The following MARCHF10 variants were observed in gnomAD, a reference collection of about 807,000 sequenced individuals.
The protein encoded by MARCHF10 is probable E3 ubiquitin-protein ligase MARCHF10.
In MARCHF10, 64 loss-of-function variants were observed where a neutral mutation model predicts 76.2. The observed-to-expected ratio is 0.84, with a 90% CI of 0.69 to 1.03. MARCHF10 has a LOEUF of 1.03. MARCHF10 is among the 50% of genes least tolerant of loss of function. The pLI, the probability that MARCHF10 is intolerant of heterozygous loss-of-function variation, is 0.00. For missense variants in MARCHF10, 875 were observed against 958.0 expected, an observed-to-expected ratio of 0.91 and a Z score of 1.14; for synonymous variants, 340 against 357.5, an observed-to-expected ratio of 0.95 and a Z score of 0.55.
chr17:62,713,556 C>T (rs986935915), intron 8 of MARCHF10, among the ~76,000 whole-genome samples: 6 of 152,178 alleles, frequency 3.9e-5, no homozygotes, highest in African/African-American at 4.8e-5. Flanking sequence ...TGGTGATGCT[C>T]GACAAAGGGG....
At chr17:62,713,370 C>T (rs973349566) in intron 8 of MARCHF10, among the ~76,000 whole-genome samples, 37 of 152,326 alleles carry the variant, frequency 2.4e-4, no homozygotes, top group African/African-American at 8.2e-4. Context: ...CTTTTTATGA[C>T]TCAATAAGGC....
At position 62,701,316 on chromosome 17, in the gene MARCHF10, G is replaced by A. The variant is rs1317837184; in HGVS notation, c.*387C>T. The A allele has an allele frequency of 8.6e-6, 2 of 232,492 alleles. No homozygotes were observed. Among genetic ancestry groups the A allele is most frequent in the African/African-American group, 4.5e-5 (2 of 44,550 alleles). The allele number at this position is 232,492 out of a possible 1,614,324, so 14.4% of individuals were successfully genotyped here. ...AGTGAAATAAACATGAACGAAGCTG[G>A]GAGAATAATGTCAGTTTACTGAATG... On this transcript the variant is annotated 3_prime_UTR_variant, in exon 11 of 11. Transcript: ENST00000311269.
At chr17:62,792,810 A>T (rs2092882360) in intron 2 of MARCHF10, among the ~76,000 whole-genome samples, 1 of 125,316 alleles carries the variant, frequency 8.0e-6, no homozygotes, top group Non-Finnish European at 1.7e-5. Flanking sequence ...CACCTCCATC[A>T]CCACCACCAC....
intron 4 of MARCHF10, chr17:62,746,797 T>A: frequency 9.6e-7 from 1 of 1,040,520 alleles, no homozygotes; most frequent in South Asian, 1.5e-5. Context: ...TATTCAAAGT[T>A]CCCACGCACC....
intron 8 of MARCHF10, among the ~76,000 whole-genome samples, chr17:62,722,246 C>T (rs1443580141): frequency 6.9e-6 from 1 of 144,944 alleles, no homozygotes; most frequent in Non-Finnish European, 1.5e-5. Flanking sequence ...CCACTGCATT[C>T]CCGCCTGGGC....
intron 4 of MARCHF10, among the ~76,000 whole-genome samples, chr17:62,757,387 G>A (rs912818156): frequency 6.6e-6 from 1 of 152,154 alleles, no homozygotes. Flanking sequence ...TTGGATCAAC[G>A]TGTCCAGCTA....
intron 8 of MARCHF10, among the ~76,000 whole-genome samples, chr17:62,715,539 A>G (rs1599063886): frequency 1.3e-5 from 2 of 152,324 alleles, no homozygotes; most frequent in Middle Eastern, 6.8e-3. Flanking sequence ...CGAGTGCCCA[A>G]CCAGCATCCA....
chr17:62,709,439 C>T (rs1272159231), intron 9 of MARCHF10, among the ~76,000 whole-genome samples: 1 of 152,116 alleles, frequency 6.6e-6, no homozygotes, highest in Non-Finnish European at 1.5e-5. Flanking sequence ...TGAGCCACTG[C>T]ACTCCAGCCT....
At chr17:62,784,134 T>C (rs1288709060) in intron 3 of MARCHF10, among the ~76,000 whole-genome samples, 1 of 152,190 alleles carries the variant, frequency 6.6e-6, no homozygotes, top group Non-Finnish European at 1.5e-5. Context: ...AATAAAATAC[T>C]GGCAAAGCGA....
intron 10 of MARCHF10, among the ~76,000 whole-genome samples, chr17:62,702,101 G>A (rs890868639): frequency 4.6e-5 from 7 of 152,268 alleles, no homozygotes; most frequent in South Asian, 2.1e-4. Flanking sequence ...TTGAACCCCC[G>A]CTTCCTAATT....
At chr17:62,753,939 C>A (rs1481911967) in intron 4 of MARCHF10, among the ~76,000 whole-genome samples, 2 of 152,112 alleles carry the variant, frequency 1.3e-5, no homozygotes. Flanking sequence ...CACCAGTTCG[C>A]CCTGGTATCA....
chr17:62,761,389 G>A (rs2092196670), intron 3 of MARCHF10, among the ~76,000 whole-genome samples: 1 of 152,124 alleles, frequency 6.6e-6, no homozygotes, highest in African/African-American at 2.4e-5. Context: ...ACTCTGAAAT[G>A]TCAAAGATGA....
At chr17:62,773,250 A>G (rs921156104) in intron 3 of MARCHF10, among the ~76,000 whole-genome samples, 1 of 152,168 alleles carries the variant, frequency 6.6e-6, no homozygotes, top group African/African-American at 2.4e-5. Context: ...GAAGCTCAGA[A>G]GGACAGTGTG....
Position 62,783,667 on chromosome 17 carries a change from C to T in MARCHF10, c.210+4813G>A, listed in dbSNP as rs561022878. On this transcript the variant is annotated intron_variant, in intron 3 of 10. Transcript: ENST00000311269. ...GAGGAAGAGAGAAGAATCAAATAGA[C>T]GCAATAAAAAATGATAAAGGGGATA... Among the ~76,000 whole-genome samples, 62 of 151,906 alleles carry T rather than the reference C, an allele frequency of 4.1e-4. No homozygotes were observed. The South Asian group carries it at 7.7e-3, about 19-fold the overall frequency.
chr17:62,741,082 A>G (rs1336885072), intron 5 of MARCHF10, among the ~76,000 whole-genome samples: 1 of 152,224 alleles, frequency 6.6e-6, no homozygotes, highest in Non-Finnish European at 1.5e-5. Flanking sequence ...TCTCTTATCA[A>G]GAGATATTTC....
At chr17:62,768,723 A>C (rs1370365035) in intron 3 of MARCHF10, among the ~76,000 whole-genome samples, 1 of 152,184 alleles carries the variant, frequency 6.6e-6, no homozygotes, top group African/African-American at 2.4e-5. Flanking sequence ...CATTTTCAAA[A>C]TGACCACACT....
chr17:62,727,276 A>T (rs1166532798), intron 6 of MARCHF10, among the ~76,000 whole-genome samples: 38 of 152,268 alleles, frequency 2.5e-4, no homozygotes, highest in Admixed American at 2.3e-3. Flanking sequence ...TTGCAAAAAA[A>T]TTTTTTTTAA....
chr17:62,722,738 C>T, intron 7 of MARCHF10, 141 bp from the exon 8 acceptor site: 1 of 628,112 alleles, frequency 1.6e-6, no homozygotes, highest in Non-Finnish European at 2.6e-6. Context: ...AGCCAGCCAT[C>T]TTCTGTAGAA....
intron 3 of MARCHF10, among the ~76,000 whole-genome samples, chr17:62,786,207 A>C (rs2092743524): frequency 6.6e-6 from 1 of 152,186 alleles, no homozygotes; most frequent in African/African-American, 2.4e-5. Context: ...CAGCCATAAA[A>C]AAGGATGAGT....
Sources: allele counts gnomAD v4.1 joint callset (sites outside exome capture counted in the v4.1 genomes callset), GRCh38; gene constraint gnomAD v4.1.1; transcripts MANE v1.5; gene names NCBI Gene and HGNC (gene_info 2026-07-23, HGNC 2026-07-21).